The following SHANK2 variants were observed in gnomAD, a reference collection of about 807,000 sequenced individuals.
SHANK2 encodes the protein SH3 and multiple ankyrin repeat domains 2.
A neutral mutation model predicts 133.7 loss-of-function variants in SHANK2; 43 were observed. The ratio of observed to expected loss-of-function variants is 0.32; its 90% CI spans 0.25 to 0.41. The LOEUF is 0.41. Among genes scored for constraint, SHANK2 ranks in the 10% least tolerant of loss-of-function variants. The pLI, the probability that SHANK2 is intolerant of heterozygous loss-of-function variation, is 1.00. For missense variants in SHANK2, 1,994 were observed against 2,235.8 expected (o/e 0.89, Z 2.18); for synonymous variants, 1,017 against 952.8 (o/e 1.07, Z -1.24).
At chr11:70,825,748 C>G (rs1374817199) in intron 11 of SHANK2, among the ~76,000 whole-genome samples, 1 of 151,276 alleles carries the variant, frequency 6.6e-6, no homozygotes, top group African/African-American at 2.4e-5. Context: ...ACAAAACTCT[C>G]TAACTGGAAC....
Position 70,489,243 on chromosome 11 carries a change from A to C in SHANK2, c.2572+85T>G. The C allele has an allele frequency of 5.2e-6, 7 of 1,348,516 alleles. No homozygotes were observed. The South Asian group carries it at 7.0e-5, about 14-fold the overall frequency. 83.5% of individuals were successfully genotyped at this position (1,348,516 alleles called of 1,614,324 possible). A position where few individuals can be genotyped will look rare whatever the true frequency, so the allele number is the denominator to read the frequency against. On this transcript the variant is annotated intron_variant, in intron 24 of 25. Coordinates refer to ENST00000601538, the MANE Select transcript of SHANK2 (RefSeq NM_012309.5). Reference sequence around the variant, plus strand: ...TTGGCTGTCTGGCAATTCTGTTCCCAAGGAGTACTAATTTAAGAATACACC... The same window carrying C: ...TTGGCTGTCTGGCAATTCTGTTCCCCAGGAGTACTAATTTAAGAATACACC...
intron 14 of SHANK2, among the ~76,000 whole-genome samples, chr11:70,798,009 A>G (rs1947955811): frequency 6.6e-6 from 1 of 152,190 alleles, no homozygotes. Flanking sequence ...TCCCGTCGGA[A>G]CACTGAACTC....
chr11:70,528,961 G>T (rs2059434590), intron 17 of SHANK2, among the ~76,000 whole-genome samples: 1 of 152,174 alleles, frequency 6.6e-6, no homozygotes, highest in East Asian at 1.9e-4. Flanking sequence ...CCCACTGGTG[G>T]CCTTGTGGGA....
In SHANK2 at chr11:70,882,163, T is replaced by TGGAGGA. The variant is rs1255657571; in HGVS notation, c.1174+14332_1174+14337dup. Among the ~76,000 whole-genome samples the TGGAGGA allele has an allele frequency of 1.5e-4, 23 of 151,564 alleles. No homozygotes were observed. Among genetic ancestry groups the TGGAGGA allele is most frequent in the Middle Eastern group, 3.4e-3 (1 of 294 alleles). On this transcript the variant is annotated intron_variant, in intron 11 of 25. Coordinates refer to ENST00000601538, the MANE Select transcript of SHANK2 (RefSeq NM_012309.5). The surrounding 1 kb of genome is among the most constrained non-coding windows in gnomAD (Gnocchi z 4.2). ...ATGCTGGCAGGTGAGACAAACAGCA[T>TGGAGGA]GGAGGAGGAGGAGGAGGGAGGGAGT... is the stretch of plus-strand genomic sequence containing the variant.
Position 71,077,674 on chromosome 11 carries a change from C to T in SHANK2, c.913-2399G>A, listed in dbSNP as rs940837174. Reference sequence around the variant, plus strand: ...AACCCCTGGTGGTTGAGGCACGGAGCTCACACCTGCTGAGGAAGATGCAGC... The same window carrying T: ...AACCCCTGGTGGTTGAGGCACGGAGTTCACACCTGCTGAGGAAGATGCAGC... On this transcript the variant is annotated intron_variant, in intron 8 of 25. Transcript: ENST00000601538. 2.0e-3 allele frequency among the ~76,000 whole-genome samples: 304 copies of T among 152,070 alleles called. 1 individual carries two copies. Among genetic ancestry groups the T allele is most frequent in the African/African-American group, 7.1e-3 (293 of 41,472 alleles).
rs534289961 is a variant in SHANK2 at position 70,799,063 on chromosome 11, G to A, written c.1664-507C>T. Among the ~76,000 whole-genome samples the A allele has an allele frequency of 5.9e-5, 9 of 152,264 alleles. No homozygotes were observed. In the South Asian group the frequency reaches 8.3e-4, roughly 14 times the overall value. On this transcript the variant is annotated intron_variant, in intron 13 of 25. Transcript: ENST00000601538. ...TGGAGGAAAGAAAATCCACCTGCCC[G>A]GCTCTGTCTGGATCTTCTAAACAAG...
At chr11:70,861,071 C>T (rs1055231739) in intron 11 of SHANK2, among the ~76,000 whole-genome samples, 6 of 152,200 alleles carry the variant, frequency 3.9e-5, no homozygotes, top group African/African-American at 1.4e-4. Context: ...AGCATTCCGA[C>T]CTGCCCCCTC....
intron 10 of SHANK2, among the ~76,000 whole-genome samples, chr11:70,897,986 A>C (rs532290431): frequency 2.8e-4 from 40 of 143,234 alleles, no homozygotes; most frequent in Admixed American, 7.0e-4. Flanking sequence ...TTTTTTTGGC[A>C]GGGTCTTGTT....
At chr11:70,705,886 TTTAC>T (rs1945652737) in intron 14 of SHANK2, 1 of 146,538 alleles carries the variant, frequency 6.8e-6, no homozygotes, top group African/African-American at 2.4e-5. Flanking sequence ...TGCCCTTCCC[TTTAC>T]TGATACACAT....
At chr11:71,142,584 A>G (rs1952577768) in intron 3 of SHANK2, among the ~76,000 whole-genome samples, 1 of 152,180 alleles carries the variant, frequency 6.6e-6, no homozygotes, top group African/African-American at 2.4e-5. Flanking sequence ...GAAAAAGATA[A>G]CAGATATGAA....
chr11:70,486,851 C>G lies in SHANK2; in HGVS notation c.3442G>C (p.Ala1148Pro). 1 of 1,612,724 alleles carries G rather than the reference C, an allele frequency of 6.2e-7. No individual in the cohort carries two copies. Among genetic ancestry groups the G allele is most frequent in the African/African-American group, 1.3e-5 (1 of 75,050 alleles). Reference sequence around the variant, plus strand: ...TGGTTTTCGGGCTCCCTGGGCGTGGCACTCGGCATGGGGGATGACAGCTGC... The same window carrying G: ...TGGTTTTCGGGCTCCCTGGGCGTGGGACTCGGCATGGGGGATGACAGCTGC... ...AEQLSSPMPSATPREPENHFV... is the reference protein window; with the variant it reads ...AEQLSSPMPSPTPREPENHFV... The change falls in exon 25 of 26, where the codon GCC becomes CCC. Residue 1148 changes from alanine (A) to proline (P), a missense_variant. Ala to Pro is a conservative substitution (Grantham distance 27). This residue lies in a region of SHANK2 where 797 missense variants were observed against 907.4 expected (regional missense o/e 0.88). Coordinates refer to ENST00000601538, the MANE Select transcript of SHANK2 (RefSeq NM_012309.5). The surrounding 1 kb of genome is among the most constrained non-coding windows in gnomAD (Gnocchi z 8.0).
chr11:70,536,979 G>A (rs782445541), intron 17 of SHANK2, among the ~76,000 whole-genome samples: 6 of 152,222 alleles, frequency 3.9e-5, no homozygotes, highest in African/African-American at 7.2e-5. Flanking sequence ...AGCATTTTCT[G>A]AGCCGTGTTG....
At chr11:70,933,125 G>A (rs1555082788) in intron 10 of SHANK2, 5 of 456,468 alleles carry the variant, frequency 1.1e-5, no homozygotes, top group Admixed American at 7.0e-5. Context: ...GTGTCCACCG[G>A]CAGATAAATG....
In SHANK2 at chr11:70,692,849, AT is replaced by A. The variant is rs1380844388; in HGVS notation, c.1853+5838del. ...GCAGGCATACTTTGCCATCCTTCTAATTCGCTCTCTAAGAGAAAACTGGTTT... is the reference window on the plus strand; with the variant it reads ...GCAGGCATACTTTGCCATCCTTCTAATCGCTCTCTAAGAGAAAACTGGTTT... On this transcript the variant is annotated intron_variant, in intron 15 of 25. Coordinates refer to ENST00000601538, the MANE Select transcript of SHANK2 (RefSeq NM_012309.5). Among the ~76,000 whole-genome samples the A allele has an allele frequency of 2.6e-5, 4 of 152,340 alleles. No individual in the cohort carries two copies. In the East Asian group the frequency reaches 7.7e-4, roughly 29 times the overall value.
At chr11:71,157,748 T>C (rs1244708130) in intron 2 of SHANK2, among the ~76,000 whole-genome samples, 1 of 152,226 alleles carries the variant, frequency 6.6e-6, no homozygotes, top group Non-Finnish European at 1.5e-5. Flanking sequence ...GAACCCACTC[T>C]TAGCCTGTTT....
In SHANK2 at chr11:70,479,033, C is replaced by G. The variant is rs1257457448; in HGVS notation, c.4980-5594G>C. On this transcript the variant is annotated intron_variant, in intron 25 of 25. Coordinates refer to ENST00000601538, the MANE Select transcript of SHANK2 (RefSeq NM_012309.5). This position sits in a 1 kb window ranked among gnomAD's most constrained non-coding sequence, Gnocchi z 4.4. ...CATGTCCAAAATGGGGAGGAAGATT[C>G]TGACTTGAGATTTGCCTGTTGATGG... is the stretch of plus-strand genomic sequence containing the variant. Among the ~76,000 whole-genome samples the G allele has an allele frequency of 6.6e-6, 1 of 152,220 alleles. No individual in the cohort carries two copies. The highest frequency in any genetic ancestry group is 1.5e-5 in the Non-Finnish European group (1 of 68,048).
intron 5 of SHANK2, among the ~76,000 whole-genome samples, chr11:71,110,534 T>C (rs1471793100): frequency 1.3e-5 from 2 of 152,180 alleles, no homozygotes; most frequent in Non-Finnish European, 2.9e-5. Flanking sequence ...GAGCCGAGGC[T>C]GCAGTGAGCT....
At chr11:70,798,246 T>C (rs1317967005) in intron 14 of SHANK2, among the ~76,000 whole-genome samples, 197 bp downstream of exon 14, 3 of 152,172 alleles carry the variant, frequency 2.0e-5, no homozygotes, top group African/African-American at 7.2e-5. Flanking sequence ...CACCATCTTG[T>C]AAGGAATTTC....
In SHANK2 at chr11:70,492,562, A is replaced by G. The variant is rs1464124021; in HGVS notation, c.2309-97T>C. 3.3e-6 allele frequency: 5 copies of G among 1,505,354 alleles called. No homozygotes were observed. In the East Asian group the frequency reaches 9.1e-5, roughly 27 times the overall value. The allele number at this position is 1,505,354 out of a possible 1,614,324, so 93.2% of individuals were successfully genotyped here. A position where few individuals can be genotyped will look rare whatever the true frequency, so the allele number is the denominator to read the frequency against. On this transcript the variant is annotated intron_variant, in intron 21 of 25. Coordinates refer to ENST00000601538, the MANE Select transcript of SHANK2 (RefSeq NM_012309.5). The stretch of plus-strand genomic sequence containing the variant: ...AGGTGCAGCAGCCACTCCAACATCC[A>G]AAACTGTGCAGGGGGCATTTGTTGC...
Sources: allele counts gnomAD v4.1 joint callset (sites outside exome capture counted in the v4.1 genomes callset), GRCh38; gene constraint gnomAD v4.1.1; regional missense constraint gnomAD v4.1.1; non-coding constraint Gnocchi (gnomAD v3.1); transcripts MANE v1.5; gene names NCBI Gene and HGNC (gene_info 2026-07-23, HGNC 2026-07-21).